The following EDA variants were observed in gnomAD, a reference collection of about 807,000 sequenced individuals.
The protein encoded by EDA is ectodysplasin-A.
A neutral mutation model predicts 23.6 loss-of-function variants in EDA; 2 were observed. That is an observed-to-expected ratio of 0.08 (90% CI 0.03 to 0.27). The LOEUF (loss-of-function observed/expected upper bound fraction) is 0.27. Among genes scored for constraint, EDA ranks in the 10% least tolerant of loss-of-function variants. The pLI is 1.00. For synonymous variants in EDA, 131 were observed against 132.0 expected, an observed-to-expected ratio of 0.99 and a Z score of 0.05; for missense variants, 229 against 324.2, an observed-to-expected ratio of 0.71 and a Z score of 2.26.
At chrX:69,713,759 C>T (rs2147332817) in intron 1 of EDA, among the ~76,000 whole-genome samples, 1 of 111,615 alleles carries the variant, frequency 9.0e-6, no homozygotes, top group East Asian at 2.8e-4. Flanking sequence ...TTTGTTTAAC[C>T]AGTCACCTGT....
chrX:69,811,829 AG>A (rs2015964473), intron 1 of EDA, among the ~76,000 whole-genome samples: 1 of 111,912 alleles, frequency 8.9e-6, no homozygotes, highest in African/African-American at 3.2e-5. Flanking sequence ...TATTGTGGTT[AG>A]GTGGTGGGGC....
At chrX:69,886,117 C>T in intron 1 of EDA, among the ~76,000 whole-genome samples, 1 of 111,913 alleles carries the variant, frequency 8.9e-6, no homozygotes, top group Non-Finnish European at 1.9e-5. Context: ...CAATCCTTCC[C>T]ACACAGGGAC....
intron 1 of EDA, among the ~76,000 whole-genome samples, chrX:69,654,511 G>A (rs1275433308): frequency 9.1e-6 from 1 of 109,960 alleles, no homozygotes; most frequent in Non-Finnish European, 1.9e-5. Flanking sequence ...TGTTTATAGC[G>A]GCACTATTCA....
intron 1 of EDA, among the ~76,000 whole-genome samples, chrX:69,953,325 T>A (rs2018954871): frequency 8.9e-6 from 1 of 111,860 alleles, no homozygotes. Flanking sequence ...GTTTAAGCAC[T>A]CAAAAACCAA....
At chrX:69,990,409 G>T (rs1261190912) in intron 2 of EDA, among the ~76,000 whole-genome samples, 1 of 111,172 alleles carries the variant, frequency 9.0e-6, no homozygotes, top group Non-Finnish European at 1.9e-5. Context: ...GCTATCTACT[G>T]ATAGCTATCT....
intron 1 of EDA, among the ~76,000 whole-genome samples, chrX:69,655,816 A>G (rs1363829303): frequency 1.2e-5 from 1 of 86,382 alleles, no homozygotes; most frequent in Non-Finnish European, 2.1e-5. Context: ...TTATGCTGCA[A>G]TAGGTAAGGA....
chrX:69,924,223 G>A (rs1486755588), intron 1 of EDA, among the ~76,000 whole-genome samples: 2 of 111,456 alleles, frequency 1.8e-5, no homozygotes, highest in Non-Finnish European at 3.8e-5. Context: ...TGGCATTTTC[G>A]TCATGAAGTC....
chrX:69,849,114 CACACACACACACACACACAT>C (rs1163762283), intron 1 of EDA, among the ~76,000 whole-genome samples: 6 of 74,280 alleles, frequency 8.1e-5, no homozygotes, highest in African/African-American at 2.4e-4. Flanking sequence ...CACACACACA[CACACACACACACACACACAT>C]ACATATTATT....
chrX:69,903,799 A>AT (rs1447868305), intron 1 of EDA, among the ~76,000 whole-genome samples: 13 of 110,237 alleles, frequency 1.2e-4, no homozygotes, highest in African/African-American at 4.3e-4. Flanking sequence ...GTACATATGT[A>AT]TGGGGTACAT....
intron 1 of EDA, among the ~76,000 whole-genome samples, chrX:69,744,321 A>C (rs2013550261): frequency 8.9e-6 from 1 of 111,999 alleles, no homozygotes; most frequent in Non-Finnish European, 1.9e-5. Context: ...AAAACAGTGA[A>C]GTATCTTGTC....
At chrX:69,943,549 G>C (rs1396226685) in intron 1 of EDA, among the ~76,000 whole-genome samples, 2 of 111,259 alleles carry the variant, frequency 1.8e-5, no homozygotes, top group Non-Finnish European at 3.8e-5. Flanking sequence ...ATGCTGAGCT[G>C]TCTGAGGCTA....
chrX:69,748,128 C>A (rs2013682314), intron 1 of EDA, among the ~76,000 whole-genome samples: 1 of 111,365 alleles, frequency 9.0e-6, no homozygotes, highest in Non-Finnish European at 1.9e-5. Flanking sequence ...TTAACAGATG[C>A]AGAAGAGATT....
At chrX:69,861,030 C>T (rs1014038176) in intron 1 of EDA, 1 of 489,917 alleles carries the variant, frequency 2.0e-6, no homozygotes, top group South Asian at 2.6e-5. Flanking sequence ...CCACTGAAAC[C>T]ACTAAGTGAA....
intron 2 of EDA, among the ~76,000 whole-genome samples, chrX:70,020,290 G>A (rs774376853): frequency 2.7e-4 from 30 of 111,967 alleles, no homozygotes; most frequent in African/African-American, 9.7e-4. Flanking sequence ...GGGTGCAGTG[G>A]CTCACGCCTG....
intron 1 of EDA, among the ~76,000 whole-genome samples, chrX:69,872,068 G>A (rs1228995758): frequency 8.9e-6 from 1 of 111,827 alleles, no homozygotes; most frequent in Admixed American, 9.5e-5. Context: ...AACCCTACAA[G>A]GTAGAGGGGA....
At chrX:69,969,191 T>A (rs888253169) in intron 2 of EDA, among the ~76,000 whole-genome samples, 11 of 112,505 alleles carry the variant, frequency 9.8e-5, no homozygotes, top group African/African-American at 3.2e-4. Context: ...GTTAGTAGTG[T>A]CATCTGTGTA....
chrX:69,785,498 A>G (rs1055786786), intron 1 of EDA, among the ~76,000 whole-genome samples: 9 of 108,315 alleles, frequency 8.3e-5, no homozygotes, highest in African/African-American at 2.6e-4. Flanking sequence ...AGTTTTTAGC[A>G]TGAAGGGTTG....
chrX:69,622,150 C>G (rs190850608), intron 1 of EDA, among the ~76,000 whole-genome samples: 1 of 111,977 alleles, frequency 8.9e-6, no homozygotes, highest in East Asian at 2.8e-4. Flanking sequence ...TGTTTCCAGT[C>G]TGGGGCTATT....
At chrX:69,888,981 TATATATATATATA>T (rs2017877841) in intron 1 of EDA, among the ~76,000 whole-genome samples, 1 of 30,354 alleles carries the variant, frequency 3.3e-5, no homozygotes, top group Non-Finnish European at 5.9e-5. Flanking sequence ...GGGGTAGTTA[TATATATATATATA>T]TATATATATA....
Sources: allele counts gnomAD v4.1 joint callset (sites outside exome capture counted in the v4.1 genomes callset), GRCh38; gene constraint gnomAD v4.1.1; transcripts MANE v1.5; gene names NCBI Gene and HGNC (gene_info 2026-07-23, HGNC 2026-07-21).